MAST4: variants seen among roughly 807,000 people sequenced by gnomAD.
MAST4 encodes the protein microtubule associated serine/threonine kinase family member 4.
In MAST4, 89 loss-of-function variants were observed where a neutral mutation model predicts 162.7. The ratio of observed to expected loss-of-function variants is 0.55; its 90% confidence interval spans 0.46 to 0.65. The LOEUF is 0.65. Among genes scored for constraint, MAST4 ranks in the 30% least tolerant of loss-of-function variants. MAST4 has a pLI of 0.00. For synonymous variants in MAST4, 1,479 were observed against 1,361.1 expected (o/e 1.09, Z -1.91); for missense variants, 3,153 against 3,374.0 (o/e 0.93, Z 1.62).
chr5:66,788,599 C>T, intron 2 of MAST4, 71 bp from the exon 3 acceptor site: 2 of 1,149,792 alleles, frequency 1.7e-6, no homozygotes, highest in South Asian at 1.2e-5. Flanking sequence ...ACACCCCACC[C>T]CCACCCCCAT....
intron 3 of MAST4, among the ~76,000 whole-genome samples, chr5:66,829,526 AAAC>A (rs1035523998): frequency 5.0e-4 from 76 of 152,320 alleles, no homozygotes; most frequent in African/African-American, 1.6e-3. Flanking sequence ...AACTTGGAAA[AAAC>A]AACAACAACA....
chr5:67,025,583 C>T (rs1177632047), intron 4 of MAST4, among the ~76,000 whole-genome samples: 1 of 152,056 alleles, frequency 6.6e-6, no homozygotes, highest in South Asian at 2.1e-4. Context: ...AAAGGCTGAC[C>T]CAGGTGGCCT....
chr5:66,622,388 C>T (rs1744132134), intron 1 of MAST4, among the ~76,000 whole-genome samples: 1 of 149,056 alleles, frequency 6.7e-6, no homozygotes, highest in Non-Finnish European at 1.5e-5. Flanking sequence ...AGTGTAAGGC[C>T]ATGTCATGTG....
chr5:66,885,272 A>G (rs1356277736), intron 3 of MAST4, among the ~76,000 whole-genome samples: 1 of 152,220 alleles, frequency 6.6e-6, no homozygotes, highest in Non-Finnish European at 1.5e-5. Flanking sequence ...CTCACACAGC[A>G]TGTTAGATGA....
At chr5:66,809,775 C>T (rs745490127) in intron 3 of MAST4, among the ~76,000 whole-genome samples, 12 of 152,048 alleles carry the variant, frequency 7.9e-5, no homozygotes, top group African/African-American at 7.2e-5. Flanking sequence ...CTTGCTCTGT[C>T]GCCAGGCTGG....
At chr5:67,112,250 G>C (rs1766330880) in intron 11 of MAST4, among the ~76,000 whole-genome samples, 1 of 152,092 alleles carries the variant, frequency 6.6e-6, no homozygotes, top group Non-Finnish European at 1.5e-5. Flanking sequence ...TTTGGGCATA[G>C]AGGAAAAACC....
At chr5:67,014,431 G>A (rs1331911156) in intron 4 of MAST4, among the ~76,000 whole-genome samples, 1 of 152,186 alleles carries the variant, frequency 6.6e-6, no homozygotes, top group Non-Finnish European at 1.5e-5. Context: ...AATAGTTCTT[G>A]TTATGGATTC....
intron 14 of MAST4, among the ~76,000 whole-genome samples, chr5:67,121,529 C>G (rs1339564052): frequency 1.3e-5 from 2 of 151,710 alleles, no homozygotes; most frequent in Non-Finnish European, 2.9e-5. Flanking sequence ...GACCAGCAGA[C>G]AACCTTAAGA....
At position 66,596,769 on chromosome 5, in the gene MAST4, G is replaced by A. The variant is rs771260067; in HGVS notation, c.114G>A (p.Ser38=). The part of the protein sequence containing the change: ...LVAASSPGAS[S]AESSSGSETL... ...CCGCGTCCTCTCCGGGTGCTTCCTC[G>A]GCCGAGTCCTCCTCGGGCTCAGAAA... The change falls in exon 1 of 29, where the codon TCG becomes TCA. Residue 38 remains serine (S), a synonymous_variant. Transcript: ENST00000403625. 5 of 1,387,716 alleles carry A rather than the reference G, an allele frequency of 3.6e-6. No homozygotes were observed. The highest frequency in any genetic ancestry group is 4.7e-6 in the Non-Finnish European group (5 of 1,068,174). The allele number at this position is 1,387,716 out of a possible 1,614,324, so 86.0% of individuals were successfully genotyped here. A position where few individuals can be genotyped will look rare whatever the true frequency, so the allele number is the denominator to read the frequency against.
At chr5:66,810,873 GA>G (rs1756443041) in intron 3 of MAST4, among the ~76,000 whole-genome samples, 1 of 152,212 alleles carries the variant, frequency 6.6e-6, no homozygotes, top group Admixed American at 6.5e-5. Flanking sequence ...AGCAAAGTGA[GA>G]TGGGAAAGTG....
chr5:66,946,272 CTT>C (rs775890091), intron 4 of MAST4, among the ~76,000 whole-genome samples: 18 of 152,104 alleles, frequency 1.2e-4, no homozygotes, highest in Non-Finnish European at 2.6e-4. Flanking sequence ...TTCTTTAACT[CTT>C]TTTGTTGCTT....
At chr5:66,891,230 T>G (rs1252182377) in intron 3 of MAST4, among the ~76,000 whole-genome samples, 2 of 152,172 alleles carry the variant, frequency 1.3e-5, no homozygotes, top group Admixed American at 1.3e-4. Context: ...AATGGTACCC[T>G]GTCCTGAGCT....
intron 1 of MAST4, among the ~76,000 whole-genome samples, chr5:66,641,034 C>T (rs1254895815): frequency 1.3e-5 from 2 of 152,174 alleles, no homozygotes; most frequent in African/African-American, 2.4e-5. Flanking sequence ...TTAGGTCCTT[C>T]GCCCATTGTT....
intron 3 of MAST4, among the ~76,000 whole-genome samples, chr5:66,858,738 C>T (rs1759867365): frequency 6.6e-6 from 1 of 152,142 alleles, no homozygotes; most frequent in Admixed American, 6.5e-5. Context: ...GTTAGAATTA[C>T]AGTGGCTCTT....
At chr5:66,749,933 C>T (rs1753030834) in intron 1 of MAST4, among the ~76,000 whole-genome samples, 1 of 152,036 alleles carries the variant, frequency 6.6e-6, no homozygotes, top group Non-Finnish European at 1.5e-5. Context: ...TAGATAAAAT[C>T]CAATTTTGAA....
chr5:67,107,541 G>A (rs773464871), intron 10 of MAST4, among the ~76,000 whole-genome samples: 3 of 152,182 alleles, frequency 2.0e-5, no homozygotes, highest in Non-Finnish European at 4.4e-5. Flanking sequence ...TCCAGAACTT[G>A]GAGCTAATCC....
At chr5:66,722,652 G>A (rs1329036852) in intron 1 of MAST4, among the ~76,000 whole-genome samples, 3 of 152,154 alleles carry the variant, frequency 2.0e-5, no homozygotes, top group Non-Finnish European at 4.4e-5. Flanking sequence ...TCAAATAAAT[G>A]AGTGAATTAA....
chr5:67,014,377 C>A (rs1251838843), intron 4 of MAST4, among the ~76,000 whole-genome samples: 1 of 152,142 alleles, frequency 6.6e-6, no homozygotes, highest in African/African-American at 2.4e-5. Context: ...GCCTTAGTGA[C>A]CAGTGGAGCT....
intron 3 of MAST4, among the ~76,000 whole-genome samples, chr5:66,897,083 T>G (rs1762728040): frequency 1.3e-5 from 2 of 152,166 alleles, no homozygotes; most frequent in African/African-American, 2.4e-5. Flanking sequence ...TCTAGAAATT[T>G]TTAATCTTAA....
Sources: gnomAD v4.1 joint callset for allele counts (sites outside exome capture counted in the v4.1 genomes callset) on GRCh38, gnomAD v4.1.1 for gene constraint, MANE v1.5 for transcripts, NCBI Gene and HGNC (gene_info 2026-07-23, HGNC 2026-07-21) for gene names.